Variants in CHIC1 observed in about 807,000 individuals in gnomAD.
The protein encoded by CHIC1 is cysteine rich hydrophobic domain 1.
In CHIC1, 7 loss-of-function variants were observed where a neutral mutation model predicts 18.5. That is an observed-to-expected ratio of 0.38 (90% confidence interval 0.22 to 0.71). The LOEUF (loss-of-function observed/expected upper bound fraction) is 0.71. Ranked by LOEUF, CHIC1 falls within the 30% of genes least tolerant of loss-of-function variation. CHIC1 has a pLI of 0.49. For missense variants in CHIC1, 159 were observed against 176.9 expected (o/e 0.90, Z 0.57); for synonymous variants, 77 against 73.5 (o/e 1.05, Z -0.25).
intron 3 of CHIC1, among the ~76,000 whole-genome samples, chrX:73,668,174 T>C (rs987709813): frequency 1.8e-5 from 2 of 112,376 alleles, no homozygotes; most frequent in Non-Finnish European, 3.8e-5. Flanking sequence ...CTTGTGATTC[T>C]GTTGTGAAGT....
rs1408052621 is a variant in CHIC1, at chrX:73,665,768, GAC to G, written c.508-13554_508-13553del. Among the ~76,000 whole-genome samples the G allele has an allele frequency of 2.7e-5, 3 of 111,682 alleles. No homozygotes were observed. The East Asian group carries it at 8.5e-4, about 32-fold the overall frequency. ...AGTGACAGATGAAAAAATGTACGCA[GAC>G]ACAGGTTTTTTGCCTGGTCGCATGG... On this transcript the variant is annotated intron_variant, in intron 3 of 5. Transcript: ENST00000373502.
At chrX:73,671,876 C>A (rs975422099) in intron 3 of CHIC1, among the ~76,000 whole-genome samples, 12 of 110,014 alleles carry the variant, frequency 1.1e-4, no homozygotes, top group Non-Finnish European at 2.3e-4. Context: ...CCCATTAACT[C>A]ATCATTTACC....
chrX:73,572,151 C>T (rs2057473878), intron 1 of CHIC1, among the ~76,000 whole-genome samples: 1 of 110,994 alleles, frequency 9.0e-6, no homozygotes, highest in Non-Finnish European at 1.9e-5. Context: ...CTATTATTCC[C>T]ATCTTTATGT....
At chrX:73,670,755 A>G (rs1474059493) in intron 3 of CHIC1, among the ~76,000 whole-genome samples, 2 of 110,045 alleles carry the variant, frequency 1.8e-5, no homozygotes, top group Non-Finnish European at 3.8e-5. Context: ...TTTCTCCTTA[A>G]TTTCTTTATT....
intron 3 of CHIC1, among the ~76,000 whole-genome samples, chrX:73,596,242 CAGAG>C (rs919779785): frequency 1.8e-5 from 2 of 111,304 alleles, no homozygotes; most frequent in Admixed American, 1.9e-4. Flanking sequence ...AATAGACAAA[CAGAG>C]AGCCAAATCA....
chrX:73,654,752 G>A (rs1053838583), intron 3 of CHIC1, among the ~76,000 whole-genome samples: 6 of 111,562 alleles, frequency 5.4e-5, no homozygotes, highest in Admixed American at 1.9e-4. Context: ...TTCTGATTCC[G>A]TCTTGGTAAA....
chrX:73,588,801 A>G (rs1178652061), intron 3 of CHIC1, among the ~76,000 whole-genome samples: 2 of 110,157 alleles, frequency 1.8e-5, no homozygotes, highest in African/African-American at 3.3e-5. Context: ...AGTCAATTCT[A>G]GGAGTTTGTT....
Position 73,603,970 on chromosome X carries a change from G to T in CHIC1, c.507+19398G>T, listed in dbSNP as rs1346259072. The stretch of plus-strand genomic sequence containing the variant: ...TATTGGCCTGAAATTTTCTTTTTTT[G>T]TTGTTGTTTCTCTGCCAGGTTTTGG... On this transcript the variant is annotated intron_variant, in intron 3 of 5. Coordinates refer to ENST00000373502, the MANE Select transcript of CHIC1 (RefSeq NM_001039840.4). Among the ~76,000 whole-genome samples, 4 of 107,524 alleles carry T rather than the reference G, an allele frequency of 3.7e-5. 1 individual carries two copies. The highest frequency in any genetic ancestry group is 1.1e-4 in the African/African-American group (3 of 27,736). 93.4% of individuals were successfully genotyped at this position (107,524 alleles called of 115,157 possible). A position where few individuals can be genotyped will look rare whatever the true frequency, so the allele number is the denominator to read the frequency against.
intron 3 of CHIC1, among the ~76,000 whole-genome samples, chrX:73,644,813 A>G (rs998535294): frequency 9.1e-6 from 1 of 110,452 alleles, no homozygotes; most frequent in Admixed American, 9.5e-5. Flanking sequence ...TTTTAAGCCC[A>G]TTTTGGAAAA....
chrX:73,602,290 A>T (rs1243976517), intron 3 of CHIC1, among the ~76,000 whole-genome samples: 1 of 109,099 alleles, frequency 9.2e-6, no homozygotes, highest in Admixed American at 9.6e-5. Flanking sequence ...GCTTTTTTTC[A>T]TGTTTGTTGG....
intron 3 of CHIC1, among the ~76,000 whole-genome samples, chrX:73,640,561 TCTTC>T (rs2057850727): frequency 8.9e-6 from 1 of 111,795 alleles, no homozygotes; most frequent in South Asian, 3.7e-4. Flanking sequence ...GGATTCAGTT[TCTTC>T]CTTCTTCAGT....
At position 73,686,286 on chromosome X, in the gene CHIC1, G is replaced by A. The variant is rs2058121064; in HGVS notation, c.*5281G>A. 9.0e-6 allele frequency: 1 copy of A among 111,095 alleles called. No homozygotes were observed. Among genetic ancestry groups the A allele is most frequent in the Admixed American group, 9.6e-5 (1 of 10,368 alleles). 9.2% of individuals were successfully genotyped at this position (111,095 alleles called of 1,213,427 possible). A position where few individuals can be genotyped will look rare whatever the true frequency, so the allele number is the denominator to read the frequency against. On this transcript the variant is annotated 3_prime_UTR_variant, in exon 6 of 6. Transcript: ENST00000373502. The stretch of plus-strand genomic sequence containing the variant: ...TCTAAATAATGAAATGTGTGTGTTT[G>A]TGTGTTTTGGCTATATTAGGCTATA...
intron 3 of CHIC1, among the ~76,000 whole-genome samples, chrX:73,597,640 C>T (rs188889325): frequency 1.9e-5 from 2 of 107,604 alleles, no homozygotes; most frequent in African/African-American, 6.8e-5. Flanking sequence ...TATATACGCA[C>T]TATAAGTTTT....
intron 3 of CHIC1, among the ~76,000 whole-genome samples, chrX:73,673,725 T>C (rs1466856581): frequency 8.9e-6 from 1 of 111,830 alleles, no homozygotes; most frequent in African/African-American, 3.3e-5. Flanking sequence ...CTTTTCCTAA[T>C]TGAATACCCT....
intron 1 of CHIC1, among the ~76,000 whole-genome samples, chrX:73,566,552 AC>A (rs2057445834): frequency 9.0e-6 from 1 of 111,046 alleles, no homozygotes; most frequent in African/African-American, 3.3e-5. Context: ...TTTTTAAAAA[AC>A]AAAATAAGAC....
At chrX:73,625,161 A>G (rs2057777886) in intron 3 of CHIC1, among the ~76,000 whole-genome samples, 1 of 110,637 alleles carries the variant, frequency 9.0e-6, no homozygotes, top group African/African-American at 3.3e-5. Flanking sequence ...CAATTTTGCA[A>G]GTGGCCACCC....
chrX:73,665,184 C>G (rs2057998626), intron 3 of CHIC1, among the ~76,000 whole-genome samples: 1 of 110,830 alleles, frequency 9.0e-6, no homozygotes, highest in Admixed American at 9.6e-5. Flanking sequence ...GGCAAAACCT[C>G]CGTTTCCTCT....
rs1201136320 is a variant in CHIC1, at chrX:73,684,779, A to G, written c.*3774A>G. 9.0e-6 allele frequency: 1 copy of G among 111,698 alleles called. No individual in the cohort carries two copies. The highest frequency in any genetic ancestry group is 1.9e-5 in the Non-Finnish European group (1 of 52,962). 9.2% of individuals were successfully genotyped at this position (111,698 alleles called of 1,213,427 possible). On this transcript the variant is annotated 3_prime_UTR_variant, in exon 6 of 6. Transcript: ENST00000373502. ...TTTTCCATAAAAATGAATAGGTTTT[A>G]TTAATACCTGTTCATGTAGTATGTG...
chrX:73,642,704 G>C (rs1283340297), intron 3 of CHIC1, among the ~76,000 whole-genome samples: 3 of 111,035 alleles, frequency 2.7e-5, no homozygotes, highest in African/African-American at 9.8e-5. Flanking sequence ...GTATAAAGGT[G>C]TAAGGAAGGC....
Sources: allele counts gnomAD v4.1 joint callset (sites outside exome capture counted in the v4.1 genomes callset), GRCh38; gene constraint gnomAD v4.1.1; transcripts MANE v1.5; gene names NCBI Gene and HGNC (gene_info 2026-07-23, HGNC 2026-07-21).